Variants in PIK3CA observed in about 807,000 individuals in gnomAD.
PIK3CA encodes the protein phosphatidylinositol 4,5-bisphosphate 3-kinase catalytic subunit alpha isoform.
PIK3CA carries 27 observed loss-of-function variants against 138.2 expected under a neutral mutation model. The observed-to-expected ratio is 0.20, with a 90% CI of 0.14 to 0.27. The LOEUF (loss-of-function observed/expected upper bound fraction) is 0.27. PIK3CA is among the 10% of genes least tolerant of loss of function. The pLI is 1.00. For synonymous variants in PIK3CA, 358 were observed against 413.2 expected (o/e 0.87, Z 1.62); for missense variants, 544 against 1,277.4 (o/e 0.43, Z 8.75).
intron 1 of PIK3CA, among the ~76,000 whole-genome samples, chr3:179,166,594 CA>C (rs1723426291): frequency 6.6e-6 from 1 of 152,146 alleles, no homozygotes; most frequent in Non-Finnish European, 1.5e-5. Flanking sequence ...ATTTCTCTTG[CA>C]GAAAGCATGT....
chr3:179,194,473 C>T (rs1392321517), intron 1 of PIK3CA, among the ~76,000 whole-genome samples: 3 of 152,154 alleles, frequency 2.0e-5, no homozygotes, highest in East Asian at 1.9e-4. Context: ...GCTGCCTCAG[C>T]CTCCCAAAGT....
intron 1 of PIK3CA, among the ~76,000 whole-genome samples, chr3:179,186,896 GT>G (rs1723995479): frequency 6.6e-6 from 1 of 152,064 alleles, no homozygotes. Flanking sequence ...AGGCAACCAG[GT>G]GCATAGACTT....
At position 179,210,344 on chromosome 3, in the gene PIK3CA, G is replaced by GT; in HGVS notation, c.1404+11dup. ...CTGGATCAAATCCAAATAAAGTAAGGTTTTTATTGTCATAAATTAGATATT... is the reference window on the plus strand; with the variant it reads ...CTGGATCAAATCCAAATAAAGTAAGGTTTTTTATTGTCATAAATTAGATATT... On this transcript the variant is annotated splice_region_variant and intron_variant, in intron 8 of 20. Transcript: ENST00000263967. 1.3e-6 allele frequency: 2 copies of GT among 1,584,660 alleles called. No homozygotes were observed. The highest frequency in any genetic ancestry group is 8.5e-7 in the Non-Finnish European group (1 of 1,171,620).
chr3:179,227,455 G>A (rs185375226), intron 17 of PIK3CA, among the ~76,000 whole-genome samples: 1 of 152,140 alleles, frequency 6.6e-6, no homozygotes, highest in East Asian at 1.9e-4. Flanking sequence ...AGAAGAAAAG[G>A]TTGTGTAAGA....
chr3:179,235,235 A>G lies in PIK3CA; in HGVS notation c.*871A>G, dbSNP rs190255269. Reference sequence around the variant, plus strand: ...TTCTCCTTCTGCAATTGAACTGAATACATTTTTCATGCATGTTTTCCAGAA... The same window carrying G: ...TTCTCCTTCTGCAATTGAACTGAATGCATTTTTCATGCATGTTTTCCAGAA... On this transcript the variant is annotated 3_prime_UTR_variant, in exon 21 of 21. Transcript: ENST00000263967. 2.4e-3 allele frequency: 447 copies of G among 182,930 alleles called. 1 individual carries two copies. Among genetic ancestry groups the G allele is most frequent in the African/African-American group, 1.0e-2 (426 of 42,676 alleles). The allele number at this position is 182,930 out of a possible 1,614,324, so 11.3% of individuals were successfully genotyped here.
chr3:179,240,064 G>A lies in PIK3CA; in HGVS notation c.*5700G>A, dbSNP rs1485291937. On this transcript the variant is annotated 3_prime_UTR_variant, in exon 21 of 21. Coordinates refer to ENST00000263967, the MANE Select transcript of PIK3CA (RefSeq NM_006218.4). ...TTAACTCTGCAGTCTGTAACATCAC[G>A]CTGTTTATTAAAAAAAAAAAGAAAA... The A allele has an allele frequency of 1.2e-5, 19 of 1,535,620 alleles. No individual in the cohort carries two copies. Among genetic ancestry groups the A allele is most frequent in the African/African-American group, 1.4e-5 (1 of 71,774 alleles).
Position 179,237,654 on chromosome 3 carries a change from T to G in PIK3CA, c.*3290T>G, listed in dbSNP as rs1725357329. 1 of 208,874 alleles carries G rather than the reference T, an allele frequency of 4.8e-6. No homozygotes were observed. The highest frequency in any genetic ancestry group is 7.2e-5 in the East Asian group (1 of 13,828). The allele number at this position is 208,874 out of a possible 1,614,324, so 12.9% of individuals were successfully genotyped here. On this transcript the variant is annotated 3_prime_UTR_variant, in exon 21 of 21. Coordinates refer to ENST00000263967, the MANE Select transcript of PIK3CA (RefSeq NM_006218.4). ...CCATCAAAAATCGAGTGATTTGGAA[T>G]TATAAAAAAATTGTGAGCAGCCTAT...
At chr3:179,181,161 G>C (rs749952747) in intron 1 of PIK3CA, among the ~76,000 whole-genome samples, 1 of 152,130 alleles carries the variant, frequency 6.6e-6, no homozygotes, top group Non-Finnish European at 1.5e-5. Context: ...AGTAAAAGCA[G>C]ACAGATGGAC....
intron 1 of PIK3CA, among the ~76,000 whole-genome samples, chr3:179,151,104 AT>A (rs1452263806): frequency 1.3e-5 from 2 of 152,262 alleles, no homozygotes; most frequent in African/African-American, 4.8e-5. Context: ...AATCTTAAAA[AT>A]TATTCAGCTT....
chr3:179,191,763 A>G (rs1313230999), intron 1 of PIK3CA, among the ~76,000 whole-genome samples: 1 of 151,996 alleles, frequency 6.6e-6, no homozygotes, highest in African/African-American at 2.4e-5. Context: ...CAGCCTCCCA[A>G]GTAGCTGGGA....
intron 3 of PIK3CA, among the ~76,000 whole-genome samples, chr3:179,200,286 A>C (rs1179540969): frequency 6.6e-6 from 1 of 152,046 alleles, no homozygotes; most frequent in African/African-American, 2.4e-5. Flanking sequence ...TCATAAATAC[A>C]CCAGAAAAAA....
rs572306323 is a variant in PIK3CA, at chr3:179,223,659, T to C, written c.2188-422T>C. 2.6e-5 allele frequency among the ~76,000 whole-genome samples: 4 copies of C among 152,324 alleles called. No homozygotes were observed. The East Asian group carries it at 7.7e-4, about 29-fold the overall frequency. On this transcript the variant is annotated intron_variant, in intron 14 of 20. Coordinates refer to ENST00000263967, the MANE Select transcript of PIK3CA (RefSeq NM_006218.4). ...TTTTCTTAAAGGGCCAGATAGTAAC[T>C]GTTTTAGACTTTGCAGGCCCATGTG... is the stretch of plus-strand genomic sequence containing the variant.
chr3:179,206,499 G>T (rs1032049772), intron 6 of PIK3CA, among the ~76,000 whole-genome samples: 3 of 152,108 alleles, frequency 2.0e-5, no homozygotes, highest in Admixed American at 6.6e-5. Context: ...TTCCAAATTT[G>T]GTAAAAACTA....
At chr3:179,215,044 G>T (rs1453658893) in intron 9 of PIK3CA, among the ~76,000 whole-genome samples, 1 of 152,092 alleles carries the variant, frequency 6.6e-6, no homozygotes, top group Non-Finnish European at 1.5e-5. Flanking sequence ...GTTGGCTATA[G>T]ATAAACCAGC....
At chr3:179,196,893 T>G (rs879687459) in intron 1 of PIK3CA, among the ~76,000 whole-genome samples, 11 of 152,138 alleles carry the variant, frequency 7.2e-5, no homozygotes, top group Non-Finnish European at 1.3e-4. Context: ...AAGAGTGGTA[T>G]TTGAAGAATG....
chr3:179,204,588 G>A lies in PIK3CA; in HGVS notation c.1145G>A (p.Arg382Lys), dbSNP rs587777794. Residue 382 changes from arginine (R) to lysine (K), a missense_variant and splice_region_variant, in exon 6 of 21, where the codon AGG becomes AAG. By Grantham distance (26) the Arg-to-Lys change is conservative. Transcript: ENST00000263967. ...NTQRVPCSNP[R>K]WNEWLNYDIY... ...CAAAGAGTACCTTGTTCCAATCCCA[G>A]GTAAGGAAGTATATAGATTTATATT... 2.1e-6 allele frequency: 3 copies of A among 1,424,550 alleles called. No individual in the cohort carries two copies. Among genetic ancestry groups the A allele is most frequent in the Admixed American group, 3.4e-5 (2 of 59,686 alleles). The allele number at this position is 1,424,550 out of a possible 1,614,324, so 88.2% of individuals were successfully genotyped here. A position where few individuals can be genotyped will look rare whatever the true frequency, so the allele number is the denominator to read the frequency against.
intron 14 of PIK3CA, among the ~76,000 whole-genome samples, chr3:179,222,641 A>G (rs750952558): frequency 6.6e-6 from 1 of 152,152 alleles, no homozygotes; most frequent in South Asian, 2.1e-4. Flanking sequence ...GCTGTAGACT[A>G]TTGGTCGTTT....
At chr3:179,162,276 G>T (rs1304684029) in intron 1 of PIK3CA, among the ~76,000 whole-genome samples, 4 of 151,938 alleles carry the variant, frequency 2.6e-5, no homozygotes, top group Non-Finnish European at 5.9e-5. Flanking sequence ...AGCCATCTTT[G>T]CATTTTAAGG....
chr3:179,153,946 A>T (rs528809529), intron 1 of PIK3CA, among the ~76,000 whole-genome samples: 1 of 152,166 alleles, frequency 6.6e-6, no homozygotes, highest in African/African-American at 2.4e-5. Flanking sequence ...CAGCTATTGG[A>T]TATACTAATA....
Sources: allele counts gnomAD v4.1 joint callset (sites outside exome capture counted in the v4.1 genomes callset), GRCh38; gene constraint gnomAD v4.1.1; transcripts MANE v1.5; gene names NCBI Gene and HGNC (gene_info 2026-07-23, HGNC 2026-07-21).